The following SEMA6D variants were observed in gnomAD, a reference collection of about 807,000 sequenced individuals.
The protein encoded by SEMA6D is semaphorin 6D.
SEMA6D carries 35 observed loss-of-function variants against 106.6 expected under a neutral mutation model. That is an observed-to-expected ratio of 0.33 (90% CI 0.25 to 0.44). The LOEUF is 0.44. Ranked by LOEUF, SEMA6D falls within the 20% of genes least tolerant of loss-of-function variation. The pLI, the probability that SEMA6D is intolerant of heterozygous loss-of-function variation, is 1.00. For synonymous variants in SEMA6D, 499 were observed against 487.7 expected (o/e 1.02, Z -0.31); for missense variants, 1,185 against 1,345.9 (o/e 0.88, Z 1.87).
At chr15:47,217,835 T>C (rs976615373) in intron 1 of SEMA6D, among the ~76,000 whole-genome samples, 3 of 147,128 alleles carry the variant, frequency 2.0e-5, no homozygotes, top group Non-Finnish European at 4.5e-5. Context: ...AATACATGCA[T>C]ATACACACAC....
intron 1 of SEMA6D, among the ~76,000 whole-genome samples, chr15:47,355,147 G>GGGAGA (rs10654863): frequency 0.2 from 30,093 of 151,878 alleles, 3,562 homozygotes; most frequent in African/African-American, 0.32. Flanking sequence ...AGAGAAAAGA[G>GGGAGA]GGAGAGGCTA....
At chr15:47,188,985 T>G (rs1427624863) in intron 1 of SEMA6D, among the ~76,000 whole-genome samples, 1 of 152,160 alleles carries the variant, frequency 6.6e-6, no homozygotes, top group Non-Finnish European at 1.5e-5. Flanking sequence ...GACATTCAGT[T>G]TCTAGAAAAA....
intron 1 of SEMA6D, among the ~76,000 whole-genome samples, chr15:47,289,098 T>G (rs964042902): frequency 6.6e-6 from 1 of 152,014 alleles, no homozygotes; most frequent in Non-Finnish European, 1.5e-5. Context: ...ACCAACTGAT[T>G]ATTGCAAAAT....
At chr15:47,359,165 T>G (rs4774495) in intron 1 of SEMA6D, among the ~76,000 whole-genome samples, 1 of 152,056 alleles carries the variant, frequency 6.6e-6, no homozygotes, top group African/African-American at 2.4e-5. Flanking sequence ...TGTGTGTGTA[T>G]ATATTTCTGT....
intron 4 of SEMA6D, among the ~76,000 whole-genome samples, chr15:47,687,416 A>G (rs1832132998): frequency 6.6e-6 from 1 of 152,180 alleles, no homozygotes; most frequent in Non-Finnish European, 1.5e-5. Flanking sequence ...GATGTCTTCC[A>G]TGCCCCAAGA....
chr15:47,308,758 G>T lies in SEMA6D; in HGVS notation c.-238-103635G>T, dbSNP rs564250288. On this transcript the variant is annotated intron_variant, in intron 1 of 19. Transcript: ENST00000558014. Reference sequence around the variant, plus strand: ...GCCCATTTCACCTGTAACTTTAGAAGGAGGGTTCATGGGAGAAATTACATG... The same window carrying T: ...GCCCATTTCACCTGTAACTTTAGAATGAGGGTTCATGGGAGAAATTACATG... Among the ~76,000 whole-genome samples the T allele has an allele frequency of 1.2e-4, 18 of 152,304 alleles. No individual in the cohort carries two copies. In the South Asian group the frequency reaches 3.5e-3, roughly 30 times the overall value.
chr15:47,493,325 A>G (rs115462162), intron 3 of SEMA6D, among the ~76,000 whole-genome samples: 1,895 of 152,000 alleles, frequency 0.012, 38 homozygotes, highest in African/African-American at 0.044. Flanking sequence ...TTTGTTAGCA[A>G]CTCTCACCTC....
intron 1 of SEMA6D, among the ~76,000 whole-genome samples, chr15:47,317,550 G>T (rs1281147037): frequency 6.6e-6 from 1 of 152,110 alleles, no homozygotes; most frequent in Admixed American, 6.5e-5. Flanking sequence ...CAGGTCTACT[G>T]GGAAAAAGTT....
At chr15:47,683,598 A>G (rs1413818709) in intron 4 of SEMA6D, among the ~76,000 whole-genome samples, 2 of 152,182 alleles carry the variant, frequency 1.3e-5, no homozygotes, top group African/African-American at 4.8e-5. Context: ...ATATTTGGTT[A>G]TATATCTTGT....
At chr15:47,228,218 G>C (rs2031939977) in intron 1 of SEMA6D, among the ~76,000 whole-genome samples, 1 of 150,336 alleles carries the variant, frequency 6.7e-6, no homozygotes, top group South Asian at 2.1e-4. Context: ...TCATACAAGT[G>C]ATTGAGTCGT....
intron 1 of SEMA6D, among the ~76,000 whole-genome samples, chr15:47,193,399 G>A (rs1894101184): frequency 6.6e-6 from 1 of 152,180 alleles, no homozygotes; most frequent in Admixed American, 6.5e-5. Context: ...GATTAGGGAT[G>A]CTGAACTTGT....
intron 1 of SEMA6D, among the ~76,000 whole-genome samples, chr15:47,297,455 A>G (rs963367833): frequency 1.3e-5 from 2 of 152,182 alleles, no homozygotes; most frequent in East Asian, 3.9e-4. Flanking sequence ...TTCTCCCCCC[A>G]CAAAAATGTT....
chr15:47,434,743 C>G (rs1363545115), intron 2 of SEMA6D, among the ~76,000 whole-genome samples: 2 of 152,118 alleles, frequency 1.3e-5, no homozygotes, highest in East Asian at 3.9e-4. Context: ...TGGCATAGCT[C>G]CTTCTGAATC....
chr15:47,301,166 G>A (rs16959224), intron 1 of SEMA6D, among the ~76,000 whole-genome samples: 11 of 152,118 alleles, frequency 7.2e-5, no homozygotes, highest in East Asian at 3.8e-4. Flanking sequence ...TTCATTTCCC[G>A]TTTTTAGGTG....
At chr15:47,619,096 C>A (rs74408164) in intron 4 of SEMA6D, among the ~76,000 whole-genome samples, 2,663 of 152,262 alleles carry the variant, frequency 0.017, 28 homozygotes, top group South Asian at 0.047. Flanking sequence ...GGCAGTTGTG[C>A]AGGCCAGGTA....
chr15:47,661,718 C>T (rs138405730), intron 4 of SEMA6D, among the ~76,000 whole-genome samples: 3,730 of 152,278 alleles, frequency 0.024, 65 homozygotes, highest in Middle Eastern at 0.041. Context: ...TTGTGCAAAG[C>T]AAAACCGCGT....
chr15:47,581,119 C>T (rs777059091), intron 3 of SEMA6D, among the ~76,000 whole-genome samples: 3 of 152,208 alleles, frequency 2.0e-5, no homozygotes, highest in Non-Finnish European at 4.4e-5. Context: ...AAGCAAACTT[C>T]AGATCTTTTT....
At chr15:47,765,112 A>G (rs745957771) in intron 13 of SEMA6D, 56 bp downstream of exon 13, 4 of 1,589,354 alleles carry the variant, frequency 2.5e-6, no homozygotes, top group Non-Finnish European at 2.6e-6. Context: ...TTCGGCATGT[A>G]TTTCATCTAG....
At chr15:47,722,965 A>T (rs868772815) in intron 1 of SEMA6D, among the ~76,000 whole-genome samples, 1 of 152,204 alleles carries the variant, frequency 6.6e-6, no homozygotes, top group African/African-American at 2.4e-5. Flanking sequence ...CTGAGGTTAC[A>T]TAATGGAAAG....
Sources: gnomAD v4.1 joint callset for allele counts (sites outside exome capture counted in the v4.1 genomes callset) on GRCh38, gnomAD v4.1.1 for gene constraint, MANE v1.5 for transcripts, NCBI Gene and HGNC (gene_info 2026-07-23, HGNC 2026-07-21) for gene names.